DMAC2: variants seen among roughly 807,000 people sequenced by gnomAD.
DMAC2 encodes the protein distal membrane-arm assembly complex protein 2.
In DMAC2, 32 loss-of-function variants were observed where a neutral mutation model predicts 29.6. That is an observed-to-expected ratio of 1.08 (90% CI 0.81 to 1.45). The LOEUF (loss-of-function observed/expected upper bound fraction) is 1.45, where lower values mean the gene tolerates loss of function less well. Among genes scored for constraint, DMAC2 ranks in the 40% most tolerant of loss-of-function variants. The pLI is 0.00. For missense variants in DMAC2, 319 were observed against 340.0 expected (o/e 0.94, Z 0.49); for synonymous variants, 133 against 137.4 (o/e 0.97, Z 0.23).
intron 5 of DMAC2, 160 bp from the exon 6 acceptor site, chr19:41,432,568 C>CGCGT (rs1555769430): frequency 9.6e-6 from 5 of 520,090 alleles, no homozygotes; most frequent in Admixed American, 3.3e-5. Context: ...ACAGTGTGTG[C>CGCGT]GTGTGTGTGT....
Position 41,433,567 on chromosome 19 carries a change from C to T in DMAC2, c.403G>A (p.Asp135Asn), listed in dbSNP as rs1374387274. ...PVEAVDAGDC[D>N]INYEGLDNLL... ...TTATCCAGGCCCTCGTAGTTGATGTCACAGTCACCGGCATCCACAGCTTCG... is the reference window on the plus strand; with the variant it reads ...TTATCCAGGCCCTCGTAGTTGATGTTACAGTCACCGGCATCCACAGCTTCG... Residue 135 changes from aspartate to asparagine, a missense_variant, in exon 4 of 6, where the codon GAC becomes AAC. Coordinates refer to ENST00000221943, the MANE Select transcript of DMAC2 (RefSeq NM_018035.3). 6.2e-7 allele frequency: 1 copy of T among 1,614,052 alleles called. No homozygotes were observed. The highest frequency in any genetic ancestry group is 2.2e-5 in the East Asian group (1 of 44,894).
rs782379359 is a variant in DMAC2, at chr19:41,432,240, GACAGGGC to G, written c.758_764del (p.Ser253ThrfsTer6). 6.2e-7 allele frequency: 1 copy of G among 1,613,788 alleles called. No homozygotes were observed. The highest frequency in any genetic ancestry group is 1.1e-5 in the South Asian group (1 of 91,072). ...GGGACAGGGCTAAAGGCTAGGCAGG[GACAGGGC>G]TGGCTGTGTCCCGAGGCTGCTCCTC... On this transcript the variant is annotated frameshift_variant, in exon 6 of 6. Transcript: ENST00000221943. LOFTEE classifies it high-confidence loss of function.
intron 1 of DMAC2, chr19:41,439,517 C>G (rs2040043393): frequency 3.3e-6 from 5 of 1,537,036 alleles, no homozygotes; most frequent in Middle Eastern, 1.7e-4. Flanking sequence ...CATCCTCGAA[C>G]AATCCCTTCC....
chr19:41,435,107 G>A (rs2039789048), intron 3 of DMAC2, among the ~76,000 whole-genome samples: 1 of 152,120 alleles, frequency 6.6e-6, no homozygotes, highest in Non-Finnish European at 1.5e-5. Context: ...GTCCCACTGG[G>A]TAGCTGGGAT....
At chr19:41,432,876 GTGTGTGCGTGCGTGCAT>G (rs1555769847) in intron 5 of DMAC2, 1 of 532,266 alleles carries the variant, frequency 1.9e-6, no homozygotes, top group Non-Finnish European at 3.3e-6. Flanking sequence ...GTGCGTGTGT[GTGTGTGCGTGCGTGCAT>G]GCGTGCATGT....
intron 5 of DMAC2, chr19:41,433,041 C>T (rs1329764037): frequency 1.1e-5 from 6 of 548,360 alleles, no homozygotes; most frequent in South Asian, 5.5e-5. Flanking sequence ...TCTGCAACAG[C>T]GTCGATATCA....
Position 41,432,190 on chromosome 19 carries a change from A to G in DMAC2, c.*41T>C. On this transcript the variant is annotated 3_prime_UTR_variant, in exon 6 of 6. Transcript: ENST00000221943. Reference sequence around the variant, plus strand: ...TGGTGAGCTACCAGACATTCCATGCAGCCCGCTGAGAAGCCACGTGAGTGG... The same window carrying G: ...TGGTGAGCTACCAGACATTCCATGCGGCCCGCTGAGAAGCCACGTGAGTGG... 2 of 1,590,426 alleles carry G rather than the reference A, an allele frequency of 1.3e-6. No individual in the cohort carries two copies. The highest frequency in any genetic ancestry group is 1.7e-6 in the Non-Finnish European group (2 of 1,165,748).
At chr19:41,435,979 G>A (rs1476664621) in intron 3 of DMAC2, among the ~76,000 whole-genome samples, 1 of 151,790 alleles carries the variant, frequency 6.6e-6, no homozygotes, top group East Asian at 1.9e-4. Flanking sequence ...GGGTTCATGC[G>A]ATTCTCCTGC....
intron 1 of DMAC2, 168 bp downstream of exon 1, chr19:41,439,714 C>T (rs2040055193): frequency 2.3e-6 from 3 of 1,328,748 alleles, no homozygotes; most frequent in East Asian, 2.5e-5. Context: ...CCTCACAGAT[C>T]CTTCCTGGCC....
rs782279895 is a variant in DMAC2 at position 41,432,653 on chromosome 19, CGTGTGTGTGTGTGT to C, written c.597-259_597-246del. On this transcript the variant is annotated intron_variant, in intron 5 of 5. Coordinates refer to ENST00000221943, the MANE Select transcript of DMAC2 (RefSeq NM_018035.3). Reference sequence around the variant, plus strand: ...GTGTGTGTAGGGAGGTACAGGACAGCGTGTGTGTGTGTGTGTGTGTGTGTATAGGGAGATAAGCC... The same window carrying C: ...GTGTGTGTAGGGAGGTACAGGACAGCGTGTGTGTGTATAGGGAGATAAGCC... The C allele has an allele frequency of 4.1e-5, 9 of 220,724 alleles. No homozygotes were observed. In the African/African-American group the frequency reaches 4.2e-4, roughly 10 times the overall value. 13.7% of individuals were successfully genotyped at this position (220,724 alleles called of 1,614,324 possible).
chr19:41,433,049 TCA>T (rs2039658335), intron 5 of DMAC2: 6 of 560,476 alleles, frequency 1.1e-5, no homozygotes, highest in South Asian at 1.1e-4. Context: ...AGCGTCGATA[TCA>T]CACAGTTTTG....
chr19:41,433,123 G>A (rs782140719), intron 5 of DMAC2, 149 bp downstream of exon 5: 32 of 848,616 alleles, frequency 3.8e-5, no homozygotes, highest in Non-Finnish European at 5.2e-5. Flanking sequence ...CACTGTGACT[G>A]CTCATCTACC....
intron 1 of DMAC2, chr19:41,439,592 CTGAT>C (rs2040047825): frequency 8.6e-6 from 13 of 1,520,388 alleles, no homozygotes; most frequent in Middle Eastern, 3.4e-4. Context: ...ATCCCTCCCT[CTGAT>C]TGGTTAGTCG....
intron 5 of DMAC2, 44 bp from the exon 6 acceptor site, chr19:41,432,452 ATGTG>A: frequency 1.3e-6 from 2 of 1,577,868 alleles, no homozygotes; most frequent in Non-Finnish European, 8.6e-7. Context: ...TAAGGACAGC[ATGTG>A]TGTGTGTGTA....
At position 41,438,297 on chromosome 19, in the gene DMAC2, T is replaced by A. The variant is rs782098859; in HGVS notation, c.136A>T (p.Thr46Ser). 7.4e-6 allele frequency: 12 copies of A among 1,614,144 alleles called. No homozygotes were observed. The South Asian group carries it at 1.3e-4, about 18-fold the overall frequency. ...KKKRTILQFL[T>S]NYFYDVEALR... ...GCCTCCACATCGTAGAAATAGTTGG[T>A]CAGGAACTGGAGTATTGTCCTTTTC... is the stretch of plus-strand genomic sequence containing the variant. The change falls in exon 2 of 6, where the codon ACC becomes TCC. Residue 46 changes from threonine to serine, a missense_variant. Thr to Ser is a moderately conservative substitution (Grantham distance 58). Transcript: ENST00000221943.
Position 41,431,656 on chromosome 19 carries a change from T to C in DMAC2, c.*575A>G. 1 of 262,568 alleles carries C rather than the reference T, an allele frequency of 3.8e-6. No individual in the cohort carries two copies. Among genetic ancestry groups the C allele is most frequent in the Non-Finnish European group, 7.6e-6 (1 of 132,182 alleles). 16.3% of individuals were successfully genotyped at this position (262,568 alleles called of 1,614,324 possible). A position where few individuals can be genotyped will look rare whatever the true frequency, so the allele number is the denominator to read the frequency against. ...CCTATAATGCCTGTTTGGTGCCCTC[T>C]ACTGACAAAGCTTATCCCCTTTCAA... On this transcript the variant is annotated 3_prime_UTR_variant, in exon 6 of 6. Coordinates refer to ENST00000221943, the MANE Select transcript of DMAC2 (RefSeq NM_018035.3).
chr19:41,439,376 T>C, intron 1 of DMAC2: 1 of 759,510 alleles, frequency 1.3e-6, no homozygotes, highest in African/African-American at 1.7e-5. Flanking sequence ...ACCCAGATCA[T>C]GCCCTTAGAA....
chr19:41,433,850 C>G lies in DMAC2; in HGVS notation c.297-177G>C, dbSNP rs184792334. Reference sequence around the variant, plus strand: ...CAGTGGCTCACGCCTGTAATCCCAGCACTTTGGGAGGCTGAGGCAGGAGAA... The same window carrying G: ...CAGTGGCTCACGCCTGTAATCCCAGGACTTTGGGAGGCTGAGGCAGGAGAA... On this transcript the variant is annotated intron_variant, in intron 3 of 5. Transcript: ENST00000221943. 2.8e-3 allele frequency among the ~76,000 whole-genome samples: 419 copies of G among 152,344 alleles called. 1 individual carries two copies. The highest frequency in any genetic ancestry group is 4.5e-3 in the Non-Finnish European group (304 of 68,034).
At chr19:41,432,451 CAT>C (rs782748468) in intron 5 of DMAC2, 43 bp from the exon 6 acceptor site, 39 of 1,593,250 alleles carry the variant, frequency 2.4e-5, no homozygotes, top group African/African-American at 4.0e-5. Context: ...GTAAGGACAG[CAT>C]GTGTGTGTGT....
Sources: allele counts gnomAD v4.1 joint callset (sites outside exome capture counted in the v4.1 genomes callset), GRCh38; gene constraint gnomAD v4.1.1; transcripts MANE v1.5; gene names NCBI Gene and HGNC (gene_info 2026-07-23, HGNC 2026-07-21).